Variants in CNTN4 observed in about 807,000 individuals in gnomAD.
CNTN4 encodes the protein contactin-4.
A neutral mutation model predicts 122.5 loss-of-function variants in CNTN4; 77 were observed. The ratio of observed to expected loss-of-function variants is 0.63; its 90% confidence interval spans 0.52 to 0.76. The LOEUF (loss-of-function observed/expected upper bound fraction) is 0.76, where lower values mean the gene tolerates loss of function less well. Ranked by LOEUF, CNTN4 falls within the 30% of genes least tolerant of loss-of-function variation. The pLI is 0.00. For synonymous variants in CNTN4, 512 were observed against 447.0 expected, an observed-to-expected ratio of 1.15 and a Z score of -1.83; for missense variants, 1,256 against 1,259.1, an observed-to-expected ratio of 1.00 and a Z score of 0.04.
intron 2 of CNTN4, among the ~76,000 whole-genome samples, chr3:2,159,550 G>T (rs566167739): frequency 2.6e-5 from 4 of 152,126 alleles, no homozygotes; most frequent in African/African-American, 9.7e-5. Context: ...GCCATGAAAG[G>T]TATCTCATTT....
At chr3:2,103,196 C>A (rs1259119146) in intron 2 of CNTN4, among the ~76,000 whole-genome samples, 2 of 143,128 alleles carry the variant, frequency 1.4e-5, no homozygotes, top group Admixed American at 6.8e-5. Context: ...TTTTTTTTTG[C>A]TTTTGCCTCA....
At chr3:2,844,279 A>G (rs980618294) in intron 7 of CNTN4, among the ~76,000 whole-genome samples, 2 of 152,186 alleles carry the variant, frequency 1.3e-5, no homozygotes, top group African/African-American at 4.8e-5. Flanking sequence ...GTGTGACATA[A>G]TACTCCTTTT....
chr3:2,449,355 C>CTT (rs201108985), intron 3 of CNTN4, among the ~76,000 whole-genome samples: 4,414 of 152,252 alleles, frequency 0.029, 194 homozygotes, highest in African/African-American at 0.095. Flanking sequence ...TGACTCACAC[C>CTT]TGTAATCCCA....
intron 2 of CNTN4, among the ~76,000 whole-genome samples, chr3:2,120,405 A>ATATATATATATATATATTTTTTTTTTT (rs1428527983): frequency 2.4e-5 from 1 of 40,882 alleles, no homozygotes; most frequent in African/African-American, 1.1e-4. Flanking sequence ...ATATATATAT[A>ATATATATATATATATATTTTTTTTTTT]TTTTTTTTTT....
chr3:2,722,488 G>A (rs145926438), intron 4 of CNTN4, among the ~76,000 whole-genome samples: 443 of 152,312 alleles, frequency 2.9e-3, no homozygotes, highest in Middle Eastern at 6.8e-3. Flanking sequence ...GTGGCTAGAG[G>A]TGTATGGGAA....
chr3:2,437,892 C>T (rs2048310275), intron 3 of CNTN4, among the ~76,000 whole-genome samples: 4 of 152,142 alleles, frequency 2.6e-5, no homozygotes, highest in Admixed American at 2.6e-4. Context: ...CCAGTTAAGG[C>T]ATACATCTTG....
intron 14 of CNTN4, among the ~76,000 whole-genome samples, chr3:3,020,507 G>C (rs1159336981): frequency 1.3e-5 from 2 of 152,300 alleles, no homozygotes; most frequent in South Asian, 2.1e-4. Context: ...GGATTCATAG[G>C]CTCTTCAAGA....
chr3:2,118,498 A>T (rs1304617201), intron 2 of CNTN4, among the ~76,000 whole-genome samples: 1 of 152,250 alleles, frequency 6.6e-6, no homozygotes, highest in Non-Finnish European at 1.5e-5. Context: ...GAAGATTTTC[A>T]ACCAAATATT....
chr3:3,050,932 C>T (rs183594328), intron 23 of CNTN4, among the ~76,000 whole-genome samples: 21 of 152,164 alleles, frequency 1.4e-4, no homozygotes, highest in African/African-American at 4.3e-4. Context: ...AGAGGTTATC[C>T]ACATAAGCAT....
At chr3:2,386,903 C>G (rs1575523056) in intron 3 of CNTN4, among the ~76,000 whole-genome samples, 1 of 152,240 alleles carries the variant, frequency 6.6e-6, no homozygotes, top group South Asian at 2.1e-4. Context: ...TAAGCGCATT[C>G]AATTTAGAGA....
intron 6 of CNTN4, among the ~76,000 whole-genome samples, chr3:2,818,799 C>T (rs1475259222): frequency 6.6e-6 from 1 of 152,106 alleles, no homozygotes; most frequent in Non-Finnish European, 1.5e-5. Flanking sequence ...CTAAAAAGAA[C>T]CATGAACAGT....
intron 3 of CNTN4, among the ~76,000 whole-genome samples, chr3:2,544,672 A>G (rs2078172238): frequency 6.6e-6 from 1 of 151,388 alleles, no homozygotes; most frequent in East Asian, 1.9e-4. Flanking sequence ...TGTTCATGGT[A>G]GTCCCTGAGG....
At chr3:2,299,333 T>A (rs943553246) in intron 2 of CNTN4, among the ~76,000 whole-genome samples, 1 of 152,162 alleles carries the variant, frequency 6.6e-6, no homozygotes, top group Non-Finnish European at 1.5e-5. Context: ...ACAAACTCAT[T>A]ATTTTTTATT....
At chr3:2,361,965 A>G (rs9863721) in intron 3 of CNTN4, among the ~76,000 whole-genome samples, 2,574 of 152,310 alleles carry the variant, frequency 0.017, 71 homozygotes, top group African/African-American at 0.059. Flanking sequence ...CACAGAAACT[A>G]TAGAAAGACC....
rs187827173 is a variant in CNTN4, at chr3:2,854,520, G to T, written c.455-12232G>T. Among the ~76,000 whole-genome samples, 302 of 152,098 alleles carry T rather than the reference G, an allele frequency of 2.0e-3. 1 individual carries two copies. Among genetic ancestry groups the T allele is most frequent in the Non-Finnish European group, 3.4e-3 (232 of 67,984 alleles). On this transcript the variant is annotated intron_variant, in intron 7 of 24. Coordinates refer to ENST00000418658, the MANE Select transcript of CNTN4 (RefSeq NM_175607.3). The stretch of plus-strand genomic sequence containing the variant: ...TCTCCTGACCTCAAGTGATCCGCCT[G>T]CCTCTGCCTCCCAAAGTGCTGGCAT...
intron 3 of CNTN4, among the ~76,000 whole-genome samples, chr3:2,352,046 T>C (rs1347126400): frequency 6.6e-6 from 1 of 152,152 alleles, no homozygotes; most frequent in African/African-American, 2.4e-5. Context: ...TATCAAAACA[T>C]CACATTTTAC....
At chr3:2,406,434 A>G (rs1206685301) in intron 3 of CNTN4, among the ~76,000 whole-genome samples, 6 of 152,220 alleles carry the variant, frequency 3.9e-5, no homozygotes, top group Non-Finnish European at 2.9e-5. Context: ...TCGTATCTTC[A>G]TATCACAATA....
At chr3:3,037,421 C>T (rs373942620) in intron 18 of CNTN4, 93 bp downstream of exon 18, 364 of 1,531,358 alleles carry the variant, frequency 2.4e-4, no homozygotes, top group Non-Finnish European at 3.1e-4. Flanking sequence ...AGCGCTCATG[C>T]GGCTCTGTGT....
At chr3:2,592,581 T>C (rs1195265287) in intron 4 of CNTN4, among the ~76,000 whole-genome samples, 2 of 152,202 alleles carry the variant, frequency 1.3e-5, no homozygotes, top group African/African-American at 4.8e-5. Flanking sequence ...GGAGTTTCTC[T>C]GCACAAACTC....
Sources: allele counts gnomAD v4.1 joint callset (sites outside exome capture counted in the v4.1 genomes callset), GRCh38; gene constraint gnomAD v4.1.1; transcripts MANE v1.5; gene names NCBI Gene and HGNC (gene_info 2026-07-23, HGNC 2026-07-21).